The following AGBL4 variants were observed in gnomAD, a reference collection of about 807,000 sequenced individuals.
AGBL4 encodes the protein AGBL carboxypeptidase 4, also known as cytosolic carboxypeptidase 6.
A neutral mutation model predicts 66.4 loss-of-function variants in AGBL4; 58 were observed. That is an observed-to-expected ratio of 0.87 (90% CI 0.71 to 1.09). The LOEUF (loss-of-function observed/expected upper bound fraction) is 1.09, where lower values mean the gene tolerates loss of function less well. Ranked by LOEUF, AGBL4 falls within the 50% of genes least tolerant of loss-of-function variation. AGBL4 has a pLI of 0.00. For missense variants in AGBL4, 579 were observed against 631.0 expected, an observed-to-expected ratio of 0.92 and a Z score of 0.88; for synonymous variants, 234 against 222.9, an observed-to-expected ratio of 1.05 and a Z score of -0.44.
chr1:49,772,495 T>G (rs1311556401), intron 2 of AGBL4, among the ~76,000 whole-genome samples: 1 of 152,178 alleles, frequency 6.6e-6, no homozygotes, highest in Non-Finnish European at 1.5e-5. Context: ...TGATATTAAT[T>G]ACTGTTTTTT....
chr1:49,974,147 A>G (rs1209233727), intron 1 of AGBL4, among the ~76,000 whole-genome samples: 1 of 152,150 alleles, frequency 6.6e-6, no homozygotes, highest in Non-Finnish European at 1.5e-5. Flanking sequence ...ATGATACATA[A>G]GAAAGTTTCA....
At chr1:48,731,940 G>A (rs567250499) in intron 6 of AGBL4, among the ~76,000 whole-genome samples, 1 of 152,294 alleles carries the variant, frequency 6.6e-6, no homozygotes, top group East Asian at 1.9e-4. Context: ...GAGGAGTCTG[G>A]AAGCTGCCAG....
intron 1 of AGBL4, among the ~76,000 whole-genome samples, chr1:49,973,980 A>G (rs76446960): frequency 0.053 from 8,086 of 152,120 alleles, 238 homozygotes; most frequent in African/African-American, 0.071. Flanking sequence ...TATTCATGAA[A>G]GAAAGATAAC....
chr1:48,861,869 T>C lies in AGBL4; in HGVS notation c.634+5322A>G, dbSNP rs148779562. ...TGGAACTTGGCAGTGGAGAACTGAT[T>C]GTAATGGTGTGCCCCCATTTTCCTA... On this transcript the variant is annotated intron_variant, in intron 6 of 13. Coordinates refer to ENST00000371839, the MANE Select transcript of AGBL4 (RefSeq NM_032785.4). Among the ~76,000 whole-genome samples the C allele has an allele frequency of 5.1e-3, 770 of 152,308 alleles. 13 individuals are homozygous for C. Among genetic ancestry groups the C allele is most frequent in the East Asian group, 0.038 (196 of 5,168 alleles).
At chr1:49,258,391 G>T (rs963355560) in intron 3 of AGBL4, among the ~76,000 whole-genome samples, 1 of 152,168 alleles carries the variant, frequency 6.6e-6, no homozygotes, top group Non-Finnish European at 1.5e-5. Flanking sequence ...CAAAGGCAAA[G>T]AAGTTGAAAA....
At chr1:49,105,532 A>G (rs548831195) in intron 4 of AGBL4, among the ~76,000 whole-genome samples, 23 of 152,280 alleles carry the variant, frequency 1.5e-4, no homozygotes, top group African/African-American at 5.5e-4. Flanking sequence ...TCCCAATACC[A>G]TCCACTTTGC....
intron 1 of AGBL4, among the ~76,000 whole-genome samples, chr1:49,943,093 T>C (rs1654914399): frequency 6.6e-6 from 1 of 151,782 alleles, no homozygotes; most frequent in Non-Finnish European, 1.5e-5. Context: ...ATCAGGCAAA[T>C]GAAAATTAAA....
At chr1:49,224,496 A>G (rs961268317) in intron 4 of AGBL4, among the ~76,000 whole-genome samples, 3 of 151,752 alleles carry the variant, frequency 2.0e-5, no homozygotes, top group Non-Finnish European at 4.4e-5. Flanking sequence ...GGGCCCCTGT[A>G]GTCCCCACTA....
chr1:49,058,848 A>T (rs1251752110), intron 4 of AGBL4, among the ~76,000 whole-genome samples: 1 of 152,210 alleles, frequency 6.6e-6, no homozygotes, highest in African/African-American at 2.4e-5. Context: ...ATGCAAAGAG[A>T]CTGGTGGCAT....
At position 48,641,118 on chromosome 1, in the gene AGBL4, A is replaced by G. The variant is rs151285394; in HGVS notation, c.840-6514T>C. Among the ~76,000 whole-genome samples, 1,202 of 152,306 alleles carry G rather than the reference A, an allele frequency of 7.9e-3. 11 individuals carry two copies. The highest frequency in any genetic ancestry group is 0.01 in the Admixed American group (158 of 15,308). On this transcript the variant is annotated intron_variant, in intron 8 of 13. Coordinates refer to ENST00000371839, the MANE Select transcript of AGBL4 (RefSeq NM_032785.4). ...ACACAGCAGTTTTTCAGCATTACCA[A>G]TGAGCTGGATTGGATTAAGCATATT...
At chr1:49,419,059 T>G (rs1027717064) in intron 3 of AGBL4, among the ~76,000 whole-genome samples, 1 of 152,142 alleles carries the variant, frequency 6.6e-6, no homozygotes, top group Non-Finnish European at 1.5e-5. Context: ...AAATTTGAGA[T>G]GTAGTAGAAG....
chr1:49,257,768 G>A (rs1214248941), intron 3 of AGBL4, among the ~76,000 whole-genome samples: 5 of 152,156 alleles, frequency 3.3e-5, no homozygotes, highest in Admixed American at 6.5e-5. Context: ...CGTCACTCAC[G>A]CTGGGAGCTG....
At chr1:49,200,091 G>C (rs1406779223) in intron 4 of AGBL4, among the ~76,000 whole-genome samples, 3 of 152,098 alleles carry the variant, frequency 2.0e-5, no homozygotes, top group Non-Finnish European at 4.4e-5. Flanking sequence ...CTTTTACCTT[G>C]GGTAAAGGCA....
intron 1 of AGBL4, among the ~76,000 whole-genome samples, chr1:49,940,246 T>C (rs1371920322): frequency 1.3e-5 from 2 of 152,210 alleles, no homozygotes; most frequent in South Asian, 2.1e-4. Context: ...ACTTTTACAC[T>C]GTTGGTGGGA....
At chr1:50,003,499 A>T (rs977914227) in intron 1 of AGBL4, among the ~76,000 whole-genome samples, 9 of 152,254 alleles carry the variant, frequency 5.9e-5, no homozygotes, top group Non-Finnish European at 1.2e-4. Flanking sequence ...AAGTATTTTT[A>T]AAATTATATT....
chr1:49,721,331 T>G (rs1312405200), intron 2 of AGBL4, among the ~76,000 whole-genome samples: 1 of 152,132 alleles, frequency 6.6e-6, no homozygotes, highest in Non-Finnish European at 1.5e-5. Flanking sequence ...ATCTTGCTGC[T>G]GCTCACTCTT....
At chr1:49,434,988 C>G (rs1161271570) in intron 3 of AGBL4, among the ~76,000 whole-genome samples, 2 of 152,086 alleles carry the variant, frequency 1.3e-5, no homozygotes, top group East Asian at 3.9e-4. Context: ...ACCTGGAAGT[C>G]TCTCTTTCTC....
intron 2 of AGBL4, among the ~76,000 whole-genome samples, chr1:49,811,253 A>G (rs1322088304): frequency 6.6e-6 from 1 of 152,176 alleles, no homozygotes; most frequent in Non-Finnish European, 1.5e-5. Flanking sequence ...GACTTCCTGA[A>G]TCAGAATCAT....
intron 1 of AGBL4, among the ~76,000 whole-genome samples, chr1:49,923,049 C>T (rs540136014): frequency 1.3e-5 from 2 of 152,274 alleles, no homozygotes; most frequent in East Asian, 1.9e-4. Flanking sequence ...GGAGGCATCA[C>T]GCTACTCGAC....
Sources: gnomAD v4.1 joint callset for allele counts (sites outside exome capture counted in the v4.1 genomes callset) on GRCh38, gnomAD v4.1.1 for gene constraint, MANE v1.5 for transcripts, NCBI Gene and HGNC (gene_info 2026-07-23, HGNC 2026-07-21) for gene names.